The following CACNA2D3 variants were observed in gnomAD, a reference collection of about 807,000 sequenced individuals.
The protein encoded by CACNA2D3 is calcium voltage-gated channel auxiliary subunit alpha2delta 3.
CACNA2D3 carries 60 observed loss-of-function variants against 160.6 expected under a neutral mutation model. The observed-to-expected ratio is 0.37, with a 90% confidence interval of 0.30 to 0.46. The LOEUF (loss-of-function observed/expected upper bound fraction) is 0.46. Among genes scored for constraint, CACNA2D3 ranks in the 20% least tolerant of loss-of-function variants. The pLI, the probability that CACNA2D3 is intolerant of heterozygous loss-of-function variation, is 1.00. For synonymous variants in CACNA2D3, 558 were observed against 492.9 expected, an observed-to-expected ratio of 1.13 and a Z score of -1.75; for missense variants, 1,205 against 1,365.0, an observed-to-expected ratio of 0.88 and a Z score of 1.85.
In CACNA2D3 at chr3:54,836,299, A is replaced by G. The variant is rs541489632; in HGVS notation, c.1399-860A>G. Among the ~76,000 whole-genome samples, 4 of 140,294 alleles carry G rather than the reference A, an allele frequency of 2.9e-5. No homozygotes were observed. The South Asian group carries it at 8.8e-4, about 31-fold the overall frequency. 92.0% of individuals were successfully genotyped at this position (140,294 alleles called of 152,430 possible). A position where few individuals can be genotyped will look rare whatever the true frequency, so the allele number is the denominator to read the frequency against. On this transcript the variant is annotated intron_variant, in intron 14 of 37. Coordinates refer to ENST00000474759, the MANE Select transcript of CACNA2D3 (RefSeq NM_018398.3). The stretch of plus-strand genomic sequence containing the variant: ...ACCCAGCCTGGAGTGCAGTGGCACT[A>G]TCTCGGCCCACTGCAAGCTCCGTTT...
intron 16 of CACNA2D3, among the ~76,000 whole-genome samples, chr3:54,841,108 GATA>G (rs1049757381): frequency 9.9e-5 from 15 of 152,192 alleles, no homozygotes; most frequent in Admixed American, 3.9e-4. Context: ...TAGTTAAAAT[GATA>G]ATAATAACTA....
At chr3:54,960,057 C>A (rs1701993895) in intron 27 of CACNA2D3, among the ~76,000 whole-genome samples, 1 of 149,062 alleles carries the variant, frequency 6.7e-6, no homozygotes, top group South Asian at 2.1e-4. Flanking sequence ...GGTGACAGTT[C>A]CGAGAAGCTC....
At chr3:54,878,987 G>C (rs775011984) in intron 18 of CACNA2D3, 31 bp from the exon 19 acceptor site, 4 of 1,435,420 alleles carry the variant, frequency 2.8e-6, no homozygotes, top group Admixed American at 3.9e-5. Context: ...ACCCAGGGAA[G>C]AACTAACACA....
At chr3:54,425,553 G>C (rs750509805) in intron 4 of CACNA2D3, among the ~76,000 whole-genome samples, 1 of 152,212 alleles carries the variant, frequency 6.6e-6, no homozygotes, top group Non-Finnish European at 1.5e-5. Context: ...ATGTATCCCT[G>C]TTGTCCTCTC....
intron 26 of CACNA2D3, among the ~76,000 whole-genome samples, chr3:54,897,693 A>G (rs1321423206): frequency 1.3e-5 from 2 of 152,166 alleles, no homozygotes; most frequent in Non-Finnish European, 2.9e-5. Context: ...TCCTAACTCA[A>G]TCCTAAGGGA....
chr3:55,052,896 T>C (rs1028650178), intron 35 of CACNA2D3, among the ~76,000 whole-genome samples: 1 of 152,164 alleles, frequency 6.6e-6, no homozygotes, highest in Admixed American at 6.5e-5. Context: ...TGTGTTCTTA[T>C]AGATAGGACG....
chr3:54,265,388 G>A (rs1221809143), intron 2 of CACNA2D3, among the ~76,000 whole-genome samples: 2 of 152,086 alleles, frequency 1.3e-5, no homozygotes, highest in Non-Finnish European at 2.9e-5. Context: ...GGGCCTGTTG[G>A]GGTTGGGGGA....
intron 17 of CACNA2D3, among the ~76,000 whole-genome samples, chr3:54,846,872 G>A (rs1698944442): frequency 6.6e-6 from 1 of 152,142 alleles, no homozygotes; most frequent in Admixed American, 6.5e-5. Flanking sequence ...TTAGACCCAA[G>A]ATCCCTGGAA....
chr3:54,863,634 G>A (rs1319999705), intron 17 of CACNA2D3, among the ~76,000 whole-genome samples: 4 of 152,062 alleles, frequency 2.6e-5, no homozygotes, highest in Admixed American at 2.0e-4. Flanking sequence ...ACACAGTGCT[G>A]TGTGTGACTC....
At chr3:54,211,056 T>C (rs780536632) in intron 2 of CACNA2D3, among the ~76,000 whole-genome samples, 3 of 152,236 alleles carry the variant, frequency 2.0e-5, no homozygotes, top group Non-Finnish European at 4.4e-5. Context: ...CTCACCTCTT[T>C]TCCCTTTGTC....
intron 27 of CACNA2D3, among the ~76,000 whole-genome samples, chr3:54,950,747 G>A (rs949827408): frequency 6.6e-6 from 1 of 152,142 alleles, no homozygotes; most frequent in Non-Finnish European, 1.5e-5. Flanking sequence ...CAGTTGAGCT[G>A]AGCCTCAGAT....
chr3:54,880,985 C>T, intron 21 of CACNA2D3, 122 bp downstream of exon 21: 1 of 786,214 alleles, frequency 1.3e-6, no homozygotes, highest in Non-Finnish European at 2.3e-6. Context: ...TTGGACATTC[C>T]ACTCAAACGA....
chr3:54,382,641 G>T (rs530713387), intron 3 of CACNA2D3, among the ~76,000 whole-genome samples: 10 of 152,242 alleles, frequency 6.6e-5, no homozygotes, highest in African/African-American at 2.4e-4. Flanking sequence ...AAAATTAGCC[G>T]GGAGTGATGG....
chr3:54,209,863 T>A (rs988202654), intron 2 of CACNA2D3, among the ~76,000 whole-genome samples: 3 of 152,250 alleles, frequency 2.0e-5, no homozygotes, highest in Admixed American at 6.5e-5. Context: ...TGTCATCAGA[T>A]ATCTAAGCAG....
Position 54,642,154 on chromosome 3 carries a change from C to G in CACNA2D3, c.1080C>G (p.Ile360Met). The G allele has an allele frequency of 1.9e-6, 3 of 1,612,864 alleles. No individual in the cohort carries two copies. Among genetic ancestry groups the G allele is most frequent in the Non-Finnish European group, 2.5e-6 (3 of 1,179,312 alleles). Residue 360 changes from isoleucine (I) to methionine (M), a missense_variant, in exon 11 of 38, where the codon ATC becomes ATG. Ile to Met is a conservative substitution (Grantham distance 10). This residue lies in a region of CACNA2D3 where 911 missense variants were observed against 1,002.2 expected (regional missense o/e 0.91). Transcript: ENST00000474759. ...SDFNHTGQGSICSQAIMLITD... is the reference protein window; with the variant it reads ...SDFNHTGQGSMCSQAIMLITD... Reference sequence around the variant, plus strand: ...TCAACCACACGGGACAAGGAAGTATCTGCAGTCAGGCCATCATGCTCATAA... The same window carrying G: ...TCAACCACACGGGACAAGGAAGTATGTGCAGTCAGGCCATCATGCTCATAA...
chr3:54,388,230 G>A (rs1000270669), intron 4 of CACNA2D3, among the ~76,000 whole-genome samples: 5 of 152,160 alleles, frequency 3.3e-5, no homozygotes, highest in Non-Finnish European at 7.4e-5. Context: ...ATGGAAAAAG[G>A]ATTTGATAGA....
intron 2 of CACNA2D3, among the ~76,000 whole-genome samples, chr3:54,267,266 T>C (rs1702535384): frequency 6.6e-6 from 1 of 152,210 alleles, no homozygotes; most frequent in Admixed American, 6.5e-5. Flanking sequence ...ATTTGAGGTA[T>C]GGAAAACATA....
At chr3:54,664,913 C>T (rs1216339448) in intron 11 of CACNA2D3, among the ~76,000 whole-genome samples, 1 of 152,196 alleles carries the variant, frequency 6.6e-6, no homozygotes, top group East Asian at 1.9e-4. Flanking sequence ...ACCAGATTGC[C>T]CTGCTCCATG....
intron 35 of CACNA2D3, among the ~76,000 whole-genome samples, chr3:55,025,780 T>A (rs1703552741): frequency 6.6e-6 from 1 of 151,778 alleles, no homozygotes; most frequent in African/African-American, 2.4e-5. Flanking sequence ...CTTTGCACAG[T>A]GTGCTAGCAG....
Sources: allele counts gnomAD v4.1 joint callset (sites outside exome capture counted in the v4.1 genomes callset), GRCh38; gene constraint gnomAD v4.1.1; regional missense constraint gnomAD v4.1.1; transcripts MANE v1.5; gene names NCBI Gene and HGNC (gene_info 2026-07-23, HGNC 2026-07-21).